Variants in HYDIN observed in about 807,000 individuals in gnomAD.
HYDIN encodes axonemal central pair apparatus protein HYDIN.
In HYDIN, 132 loss-of-function variants were observed where a neutral mutation model predicts 403.9. The observed-to-expected ratio is 0.33, with a 90% CI of 0.28 to 0.38. HYDIN has a LOEUF of 0.38. HYDIN is among the 10% of genes least tolerant of loss of function. The pLI, the probability that HYDIN is intolerant of heterozygous loss-of-function variation, is 1.00. For missense variants in HYDIN, 2,827 were observed against 5,009.5 expected (o/e 0.56, Z 13.15); for synonymous variants, 1,202 against 1,891.7 (o/e 0.64, Z 9.46).
chr16:71,220,373 C>T (rs983102693), intron 1 of HYDIN, among the ~76,000 whole-genome samples: 5 of 152,156 alleles, frequency 3.3e-5, no homozygotes, highest in African/African-American at 1.2e-4. Context: ...AGTATTCCTT[C>T]CCCCAAATAA....
At chr16:70,862,891 A>C (rs1189571070) in intron 68 of HYDIN, among the ~76,000 whole-genome samples, 194 bp downstream of exon 68, 2 of 152,154 alleles carry the variant, frequency 1.3e-5, no homozygotes, top group Non-Finnish European at 2.9e-5. Context: ...GACAGAGTTC[A>C]GACTCCAGGA....
chr16:70,945,749 A>T (rs1340532988), intron 41 of HYDIN, among the ~76,000 whole-genome samples: 1 of 152,200 alleles, frequency 6.6e-6, no homozygotes, highest in Non-Finnish European at 1.5e-5. Flanking sequence ...GGGGGTGATC[A>T]GCTGCCAAGA....
At chr16:71,049,728 A>G (rs2081570748) in intron 18 of HYDIN, among the ~76,000 whole-genome samples, 2 of 148,868 alleles carry the variant, frequency 1.3e-5, no homozygotes, top group Non-Finnish European at 3.0e-5. Context: ...TATACATAAA[A>G]CAAAGATTGT....
Position 70,896,050 on chromosome 16 carries a change from C to A in HYDIN, c.9079G>T (p.Val3027Phe), listed in dbSNP as rs2143734338. 6.2e-7 allele frequency: 1 copy of A among 1,613,310 alleles called. No homozygotes were observed. Among genetic ancestry groups the A allele is most frequent in the African/African-American group, 1.3e-5 (1 of 74,752 alleles). ...AAGACCATGATATTTTCAATCTGAA[C>A]AACACCAAGAAGATTTTCTGCATCT... ...VLDAENLLGV[V>F]QIENIMVFAE... The change falls in exon 54 of 86, where the codon GTT becomes TTT. Residue 3027 changes from valine to phenylalanine, a missense_variant. By Grantham distance (50) the Val-to-Phe change is conservative. Transcript: ENST00000393567.
chr16:70,930,257 G>A (rs2077277498), intron 45 of HYDIN, among the ~76,000 whole-genome samples: 1 of 152,226 alleles, frequency 6.6e-6, no homozygotes, highest in South Asian at 2.1e-4. Context: ...GAGGTGGGAG[G>A]GTCACCTGAG....
chr16:71,049,294 G>T (rs533069309), intron 18 of HYDIN, among the ~76,000 whole-genome samples: 3 of 152,340 alleles, frequency 2.0e-5, no homozygotes, highest in Non-Finnish European at 2.9e-5. Context: ...GCTGAACAAA[G>T]TTGTGATGTT....
chr16:71,135,923 TG>T (rs149656264), intron 8 of HYDIN, among the ~76,000 whole-genome samples: 4 of 150,752 alleles, frequency 2.7e-5, no homozygotes, highest in Non-Finnish European at 5.9e-5. Flanking sequence ...GACTGCACAC[TG>T]GGGGGGTTCT....
In HYDIN at chr16:70,979,569, C is replaced by T. The variant is rs115521170; in HGVS notation, c.4511-528G>A. Among the ~76,000 whole-genome samples the T allele has an allele frequency of 3.5e-3, 530 of 152,226 alleles. 7 individuals are homozygous for T. Among genetic ancestry groups the T allele is most frequent in the African/African-American group, 0.012 (514 of 41,538 alleles). ...AGGTAATCGGTGGAGAGATTCCCAC[C>T]CGAATTTACCACTACGCCCGTGCAA... On this transcript the variant is annotated intron_variant, in intron 29 of 85. Coordinates refer to ENST00000393567, the MANE Select transcript of HYDIN (RefSeq NM_001270974.2).
chr16:71,215,888 A>C (rs2088852534), intron 1 of HYDIN, among the ~76,000 whole-genome samples: 1 of 152,106 alleles, frequency 6.6e-6, no homozygotes, highest in South Asian at 2.1e-4. Flanking sequence ...GCCCAAACTA[A>C]TAAAAAAACA....
chr16:71,015,992 T>C (rs562724922), intron 23 of HYDIN, among the ~76,000 whole-genome samples: 55 of 152,108 alleles, frequency 3.6e-4, no homozygotes, highest in Admixed American at 1.6e-3. Flanking sequence ...CAGAAACCCA[T>C]TGAAATATGT....
chr16:71,004,228 C>T (rs1285296926), intron 23 of HYDIN, among the ~76,000 whole-genome samples: 3 of 151,312 alleles, frequency 2.0e-5, no homozygotes, highest in South Asian at 2.1e-4. Flanking sequence ...GCAGGAGAAT[C>T]GCTTGAACCT....
chr16:70,859,522 G>A (rs1256856385), intron 71 of HYDIN, among the ~76,000 whole-genome samples: 1 of 151,990 alleles, frequency 6.6e-6, no homozygotes. Context: ...TTTGTTTCAC[G>A]GATTTATTTC....
intron 1 of HYDIN, among the ~76,000 whole-genome samples, chr16:71,229,783 T>C (rs1011459575): frequency 1.6e-4 from 25 of 152,358 alleles, no homozygotes; most frequent in African/African-American, 6.0e-4. Flanking sequence ...AGATACTTTC[T>C]GAGCTAATGG....
Position 71,077,978 on chromosome 16 carries a change from A to G in HYDIN, c.1738+1907T>C, listed in dbSNP as rs555958191. On this transcript the variant is annotated intron_variant, in intron 13 of 85. Coordinates refer to ENST00000393567, the MANE Select transcript of HYDIN (RefSeq NM_001270974.2). ...GATGATATAAATTGTGGTAAATTAC[A>G]TGAATGGATTTCCTGTTACTAAACC... is the stretch of plus-strand genomic sequence containing the variant. Among the ~76,000 whole-genome samples the G allele has an allele frequency of 2.9e-3, 435 of 151,030 alleles. 1 individual carries two copies. The highest frequency in any genetic ancestry group is 3.2e-3 in the Non-Finnish European group (215 of 67,502).
At chr16:71,210,060 G>A (rs1048187748) in intron 1 of HYDIN, among the ~76,000 whole-genome samples, 1 of 152,168 alleles carries the variant, frequency 6.6e-6, no homozygotes, top group African/African-American at 2.4e-5. Context: ...TACTTCTGGT[G>A]GGAGAGTAAA....
chr16:71,163,275 A>G (rs1474961675), intron 5 of HYDIN, among the ~76,000 whole-genome samples: 1 of 151,684 alleles, frequency 6.6e-6, no homozygotes, highest in African/African-American at 2.4e-5. Flanking sequence ...GGCACCCGCC[A>G]CCACGCCCGG....
chr16:71,031,535 G>C (rs530658559), intron 19 of HYDIN, 144 bp downstream of exon 19: 122 of 1,338,390 alleles, frequency 9.1e-5, no homozygotes, highest in Non-Finnish European at 1.7e-5. Context: ...TACACATCAG[G>C]AGGTGGAAGA....
chr16:71,172,211 T>C (rs1305855200), intron 5 of HYDIN, among the ~76,000 whole-genome samples: 1 of 152,244 alleles, frequency 6.6e-6, no homozygotes, highest in Non-Finnish European at 1.5e-5. Context: ...GACATTTTCT[T>C]AAACCATAAC....
At chr16:70,836,121 AGGG>A (rs942809989) in intron 77 of HYDIN, among the ~76,000 whole-genome samples, 1 of 152,206 alleles carries the variant, frequency 6.6e-6, no homozygotes, top group Non-Finnish European at 1.5e-5. Flanking sequence ...TAGGGGGCTC[AGGG>A]GGCCTTTCCG....
Sources: allele counts gnomAD v4.1 joint callset (sites outside exome capture counted in the v4.1 genomes callset), GRCh38; gene constraint gnomAD v4.1.1; transcripts MANE v1.5; gene names NCBI Gene and HGNC (gene_info 2026-07-23, HGNC 2026-07-21).